Variants in PI4KB observed in about 807,000 individuals in gnomAD.
The protein encoded by PI4KB is PtdIns 4-kinase beta.
A neutral mutation model predicts 81.4 loss-of-function variants in PI4KB; 23 were observed. The ratio of observed to expected loss-of-function variants is 0.28; its 90% CI spans 0.20 to 0.40. The LOEUF (loss-of-function observed/expected upper bound fraction) is 0.40, where lower values mean the gene tolerates loss of function less well. Ranked by LOEUF, PI4KB falls within the 10% of genes least tolerant of loss-of-function variation. The pLI is 1.00. For synonymous variants in PI4KB, 381 were observed against 406.8 expected, an observed-to-expected ratio of 0.94 and a Z score of 0.76; for missense variants, 651 against 1,036.6, an observed-to-expected ratio of 0.63 and a Z score of 5.11.
chr1:151,297,785 C>T (rs1475062312), intron 9 of PI4KB, among the ~76,000 whole-genome samples: 2 of 152,074 alleles, frequency 1.3e-5, no homozygotes, highest in African/African-American at 4.8e-5. Context: ...GTGATCCACC[C>T]GTGTCAGCCT....
In PI4KB at chr1:151,298,931, A is replaced by G; in HGVS notation, c.1892T>C (p.Leu631Pro). 6.2e-7 allele frequency: 1 copy of G among 1,614,196 alleles called. No individual in the cohort carries two copies. Among genetic ancestry groups the G allele is most frequent in the Non-Finnish European group, 8.5e-7 (1 of 1,180,026 alleles). The change falls in exon 9 of 12, where the codon CTC becomes CCC. Residue 631 changes from leucine (L) to proline (P), a missense_variant. This residue lies in a region of PI4KB where 246 missense variants were observed against 430.1 expected (regional missense o/e 0.57). Coordinates refer to ENST00000368873, the MANE Select transcript of PI4KB (RefSeq NM_001369623.2). ...GCCGTGCTCCTGTAGGAAGTAATCG[A>G]GCAAGGAGAGCTGTGACTGTTTCTT... ...QVKKQSQLSL[L>P]DYFLQEHGSY...
chr1:151,299,819 C>A (rs1467332370), intron 8 of PI4KB, among the ~76,000 whole-genome samples: 2 of 152,102 alleles, frequency 1.3e-5, no homozygotes, highest in Non-Finnish European at 2.9e-5. Flanking sequence ...CCAGGGGTAT[C>A]AGAAGATCAA....
chr1:151,293,870 A>T (rs1694550367), intron 11 of PI4KB, 148 bp downstream of exon 11: 2 of 837,666 alleles, frequency 2.4e-6, no homozygotes. Flanking sequence ...CCTAAAGGAG[A>T]AACAAGGCAC....
intron 2 of PI4KB, 24 bp downstream of exon 2, chr1:151,315,549 C>T: frequency 6.4e-7 from 1 of 1,567,468 alleles, no homozygotes; most frequent in Non-Finnish European, 8.8e-7. Flanking sequence ...CACCTTTTGT[C>T]TCTGGCCCTC....
chr1:151,294,969 T>G (rs997965116), intron 9 of PI4KB, among the ~76,000 whole-genome samples: 2 of 152,168 alleles, frequency 1.3e-5, no homozygotes, highest in Non-Finnish European at 2.9e-5. Context: ...GTGGGTTATT[T>G]GTAACTCCTG....
intron 2 of PI4KB, among the ~76,000 whole-genome samples, chr1:151,312,808 G>A (rs2101980804): frequency 6.6e-6 from 1 of 152,342 alleles, no homozygotes; most frequent in Non-Finnish European, 1.5e-5. Flanking sequence ...GAAGCCAGGA[G>A]TTTGAGACTA....
At position 151,315,554 on chromosome 1, in the gene PI4KB, G is replaced by A; in HGVS notation, c.909+19C>T. ...AGCCCTCTACCACCTTTTGTCTCTG[G>A]CCCTCCCCAGAATTTTACCTCATCC... On this transcript the variant is annotated intron_variant, in intron 2 of 11. Coordinates refer to ENST00000368873, the MANE Select transcript of PI4KB (RefSeq NM_001369623.2). 6.3e-7 allele frequency: 1 copy of A among 1,583,458 alleles called. No individual in the cohort carries two copies. Among genetic ancestry groups the A allele is most frequent in the Non-Finnish European group, 8.7e-7 (1 of 1,152,778 alleles).
chr1:151,323,832 T>A (rs1231753795), intron 1 of PI4KB, among the ~76,000 whole-genome samples: 2 of 152,160 alleles, frequency 1.3e-5, no homozygotes, highest in Middle Eastern at 3.2e-3. Flanking sequence ...CTGAGATAAT[T>A]AAGGAGGTTA....
At chr1:151,304,843 T>C (rs2101949293) in intron 5 of PI4KB, among the ~76,000 whole-genome samples, 1 of 151,266 alleles carries the variant, frequency 6.6e-6, no homozygotes, top group South Asian at 2.1e-4. Flanking sequence ...TTTTTTTTTT[T>C]CTTTTGAGAC....
chr1:151,321,656 G>A (rs368851334), intron 1 of PI4KB, among the ~76,000 whole-genome samples: 5 of 151,960 alleles, frequency 3.3e-5, no homozygotes, highest in East Asian at 4.0e-4. Context: ...GGCAGATCAC[G>A]AGGTCAGGAG....
At position 151,316,161 on chromosome 1, in the gene PI4KB, A is replaced by G. The variant is rs996647077; in HGVS notation, c.321T>C (p.Ala107=). ...IREEEDEMGA[A]VASGTAKGAR... is the part of the protein sequence containing the mutation. ...CTCCTTTGGCTGTGCCTGAGGCCAC[A>G]GCGGCCCCCATCTCATCTTCCTCCT... The change falls in exon 2 of 12, where the codon GCT becomes GCC. Residue 107 remains alanine (A), a synonymous_variant. Coordinates refer to ENST00000368873, the MANE Select transcript of PI4KB (RefSeq NM_001369623.2). 2.5e-6 allele frequency: 4 copies of G among 1,613,890 alleles called. No homozygotes were observed. The highest frequency in any genetic ancestry group is 1.7e-5 in the Admixed American group (1 of 60,002).
chr1:151,314,684 C>T (rs1647637987), intron 2 of PI4KB, among the ~76,000 whole-genome samples: 1 of 152,196 alleles, frequency 6.6e-6, no homozygotes, highest in Non-Finnish European at 1.5e-5. Context: ...TGAAGGCATT[C>T]TCCAGATGCC....
chr1:151,313,239 CGCA>C (rs1479403191), intron 2 of PI4KB, among the ~76,000 whole-genome samples: 7 of 152,204 alleles, frequency 4.6e-5, no homozygotes, highest in Non-Finnish European at 1.0e-4. Context: ...TATCAGATAA[CGCA>C]GGAGTGCCTG....
In PI4KB at chr1:151,306,197, G is replaced by A. The variant is rs1190472583; in HGVS notation, c.1349C>T (p.Pro450Leu). The change falls in exon 5 of 12, where the codon CCC becomes CTC. Residue 450 changes from proline (P) to leucine (L), a missense_variant. Pro to Leu is a moderately conservative substitution (Grantham distance 98, BLOSUM62 -3). Coordinates refer to ENST00000368873, the MANE Select transcript of PI4KB (RefSeq NM_001369623.2). ...GGCCTCATCATCGTTGTCATAGTTG[G>A]GCACAGTGCTGAAGCTGCCAGCTCG... ...EQRAGSFSTV[P>L]NYDNDDEAWS... 2 of 1,614,140 alleles carry A rather than the reference G, an allele frequency of 1.2e-6. No homozygotes were observed. The highest frequency in any genetic ancestry group is 1.7e-6 in the Non-Finnish European group (2 of 1,180,032).
intron 8 of PI4KB, among the ~76,000 whole-genome samples, chr1:151,301,408 T>A (rs10888411): frequency 0.55 from 83,250 of 151,668 alleles, 24,254 homozygotes; most frequent in Non-Finnish European, 0.65. Flanking sequence ...TTTTATTTTT[T>A]TTTTTTTGAG....
chr1:151,316,590 C>T, intron 1 of PI4KB, 81 bp from the exon 2 acceptor site: 1 of 1,000,018 alleles, frequency 1.0e-6, no homozygotes, highest in Non-Finnish European at 1.4e-6. Flanking sequence ...TCAGATCTTC[C>T]CTTTGCTATG....
At chr1:151,324,907 T>C (rs577162592) in intron 1 of PI4KB, 12 of 984,902 alleles carry the variant, frequency 1.2e-5, no homozygotes, top group Non-Finnish European at 1.4e-5. Context: ...TCATGGAGCG[T>C]GGACTCAACT....
At chr1:151,293,410 G>A (rs1161632578) in intron 11 of PI4KB, 1 of 1,284,346 alleles carries the variant, frequency 7.8e-7, no homozygotes, top group South Asian at 1.3e-5. Context: ...AGATGACCTG[G>A]GCCACCGTCA....
chr1:151,326,411 G>C lies in PI4KB; in HGVS notation c.-29+860C>G, dbSNP rs3887130. On this transcript the variant is annotated intron_variant, in intron 1 of 11. Coordinates refer to ENST00000368873, the MANE Select transcript of PI4KB (RefSeq NM_001369623.2). ...GTATGTGGAGATAAAGAGTGTAACA[G>C]AGAACACATGAAGCCCACGGGAAAA... is the stretch of plus-strand genomic sequence containing the variant. 663 of 496,530 alleles carry C rather than the reference G, an allele frequency of 1.3e-3. 1 individual carries two copies. The highest frequency in any genetic ancestry group is 2.0e-3 in the Middle Eastern group (4 of 1,966). The allele number at this position is 496,530 out of a possible 1,614,324, so 30.8% of individuals were successfully genotyped here. A position where few individuals can be genotyped will look rare whatever the true frequency, so the allele number is the denominator to read the frequency against.
Sources: allele counts gnomAD v4.1 joint callset (sites outside exome capture counted in the v4.1 genomes callset), GRCh38; gene constraint gnomAD v4.1.1; regional missense constraint gnomAD v4.1.1; transcripts MANE v1.5; gene names NCBI Gene and HGNC (gene_info 2026-07-23, HGNC 2026-07-21).